The following IGF2BP1 variants were observed in gnomAD, a reference collection of about 807,000 sequenced individuals.
The protein encoded by IGF2BP1 is insulin-like growth factor 2 mRNA-binding protein 1.
Under a neutral mutation model 74.9 loss-of-function variants are expected in IGF2BP1, and 11 were observed. That is an observed-to-expected ratio of 0.15 (90% CI 0.09 to 0.24). IGF2BP1 has a LOEUF of 0.24. IGF2BP1 is among the 10% of genes least tolerant of loss of function. IGF2BP1 has a pLI of 1.00. For missense variants in IGF2BP1, 440 were observed against 757.4 expected, an observed-to-expected ratio of 0.58 and a Z score of 4.92; for synonymous variants, 287 against 281.8, an observed-to-expected ratio of 1.02 and a Z score of -0.18.
intron 5 of IGF2BP1, among the ~76,000 whole-genome samples, chr17:49,035,035 AC>A (rs1397549937): frequency 1.3e-5 from 2 of 152,250 alleles, no homozygotes; most frequent in Admixed American, 1.3e-4. Flanking sequence ...TTTAAAACTT[AC>A]ATCAAACTAC....
chr17:49,026,395 G>T, intron 3 of IGF2BP1, 71 bp from the exon 4 acceptor site: 2 of 1,343,104 alleles, frequency 1.5e-6, no homozygotes, highest in Non-Finnish European at 2.1e-6. Flanking sequence ...GGGATGCAGG[G>T]TGTCCAGTGG....
In IGF2BP1 at chr17:49,043,986, T is replaced by C. The variant is rs367847325; in HGVS notation, c.1220T>C (p.Met407Thr). 1.1e-5 allele frequency: 17 copies of C among 1,613,884 alleles called. No homozygotes were observed. Among genetic ancestry groups the C allele is most frequent in the Middle Eastern group, 1.6e-4 (1 of 6,068 alleles). The change falls in exon 11 of 15, where the codon ATG becomes ACG. Residue 407 changes from methionine (M) to threonine (T), a missense_variant. By Grantham distance (81) the Met-to-Thr change is moderately conservative. Transcript: ENST00000290341. ...TGGCAGCAGGCTCCCGAGCAGGAGA[T>C]GGTGCAGGTGTTTATCCCCGCCCAG... ...SSFMQAPEQE[M>T]VQVFIPAQAV... is the part of the protein sequence containing the mutation.
rs867521485 is a variant in IGF2BP1 at position 49,009,435 on chromosome 17, C to T, written c.236+10266C>T. 9.2e-5 allele frequency among the ~76,000 whole-genome samples: 14 copies of T among 152,062 alleles called. 1 individual carries two copies. The South Asian group carries it at 2.1e-3, about 23-fold the overall frequency. ...TTAAAAAAATTATTTTTAGGCTGGG[C>T]GCAGTGGCTCATGCCTGTAATCCCA... On this transcript the variant is annotated intron_variant, in intron 2 of 14. Coordinates refer to ENST00000290341, the MANE Select transcript of IGF2BP1 (RefSeq NM_006546.4).
intron 14 of IGF2BP1, among the ~76,000 whole-genome samples, chr17:49,047,980 T>G (rs2042125840): frequency 6.6e-6 from 1 of 152,144 alleles, no homozygotes; most frequent in South Asian, 2.1e-4. Flanking sequence ...CCTCCCAAAG[T>G]GCTGGGATTA....
In IGF2BP1 at chr17:49,053,556, G is replaced by A. The variant is rs533519565; in HGVS notation, c.*4112G>A. ...TAGCTCCCTGTTGTGGGACTGCTCT[G>A]TCCCCTGCCCCTACTGCAGAGATAG... On this transcript the variant is annotated 3_prime_UTR_variant, in exon 15 of 15. Coordinates refer to ENST00000290341, the MANE Select transcript of IGF2BP1 (RefSeq NM_006546.4). The A allele has an allele frequency of 6.5e-6, 1 of 152,922 alleles. No homozygotes were observed. The highest frequency in any genetic ancestry group is 1.9e-4 in the East Asian group (1 of 5,186). 9.5% of individuals were successfully genotyped at this position (152,922 alleles called of 1,614,324 possible).
chr17:49,026,768 T>A (rs998452829), intron 4 of IGF2BP1, among the ~76,000 whole-genome samples: 1 of 148,046 alleles, frequency 6.8e-6, no homozygotes, highest in Non-Finnish European at 1.5e-5. Flanking sequence ...TGCCTTCCTG[T>A]CTATCTTGCT....
At position 49,056,126 on chromosome 17, in the gene IGF2BP1, A is replaced by C. The variant is rs1398430160; in HGVS notation, c.*6682A>C. Among the ~76,000 whole-genome samples the C allele has an allele frequency of 1.3e-5, 2 of 152,160 alleles. No individual in the cohort carries two copies. Among genetic ancestry groups the C allele is most frequent in the East Asian group, 3.9e-4 (2 of 5,184 alleles). On this transcript the variant is annotated 3_prime_UTR_variant, in exon 15 of 15. Transcript: ENST00000290341. ...GCTGTTTCAATTTCAAAATAAAAGG[A>C]AACTTATATTGAAAGACAAGTATGT...
chr17:49,034,232 C>T (rs2041957442), intron 5 of IGF2BP1, among the ~76,000 whole-genome samples: 2 of 151,298 alleles, frequency 1.3e-5, no homozygotes, highest in Admixed American at 1.3e-4. Flanking sequence ...GCCTCAGCCT[C>T]CCGAGTAGTT....
chr17:49,006,368 T>C (rs912821954), intron 2 of IGF2BP1, among the ~76,000 whole-genome samples: 1 of 152,222 alleles, frequency 6.6e-6, no homozygotes, highest in Non-Finnish European at 1.5e-5. Context: ...ACTCATCCTT[T>C]ACTGGGGTCT....
chr17:49,015,088 T>G (rs542858742), intron 2 of IGF2BP1: 5 of 229,794 alleles, frequency 2.2e-5, no homozygotes, highest in Non-Finnish European at 2.9e-5. Flanking sequence ...CAATGCAACC[T>G]CAGCCTCCCG....
intron 5 of IGF2BP1, chr17:49,037,117 A>G: frequency 2.6e-6 from 1 of 383,758 alleles, no homozygotes; most frequent in Non-Finnish European, 5.1e-6. Context: ...AACAATGGGA[A>G]GACGCTGCAA....
At chr17:49,024,902 A>G (rs2041833026) in intron 2 of IGF2BP1, among the ~76,000 whole-genome samples, 1 of 152,182 alleles carries the variant, frequency 6.6e-6, no homozygotes, top group South Asian at 2.1e-4. Flanking sequence ...ATTAATAATA[A>G]TGTCTTGGGC....
intron 2 of IGF2BP1, among the ~76,000 whole-genome samples, chr17:49,025,367 T>G (rs1360612005): frequency 7.4e-6 from 1 of 135,290 alleles, no homozygotes; most frequent in East Asian, 2.2e-4. Flanking sequence ...TTGGGAATGT[T>G]AACAGAGTGC....
chr17:49,043,746 C>A (rs144490638), intron 10 of IGF2BP1, among the ~76,000 whole-genome samples, 196 bp downstream of exon 10: 1 of 152,138 alleles, frequency 6.6e-6, no homozygotes, highest in Non-Finnish European at 1.5e-5. Flanking sequence ...AGAATGCTCC[C>A]GGGGCATAGA....
chr17:49,007,159 C>T (rs913710820), intron 2 of IGF2BP1, among the ~76,000 whole-genome samples: 1 of 152,128 alleles, frequency 6.6e-6, no homozygotes, highest in Non-Finnish European at 1.5e-5. Context: ...TGAGAGTGAC[C>T]TCCCCCATCT....
intron 10 of IGF2BP1, 33 bp from the exon 11 acceptor site, chr17:49,043,934 G>A: frequency 1.2e-6 from 2 of 1,609,530 alleles, no homozygotes; most frequent in South Asian, 1.1e-5. Context: ...TGCTACTTGG[G>A]CCCCCTGGTA....
intron 2 of IGF2BP1, among the ~76,000 whole-genome samples, chr17:49,020,396 T>C (rs1175959999): frequency 1.3e-5 from 2 of 152,140 alleles, no homozygotes; most frequent in Non-Finnish European, 2.9e-5. Flanking sequence ...AGATTCATTA[T>C]CTCATATAAT....
At position 49,050,885 on chromosome 17, in the gene IGF2BP1, C is replaced by T. The variant is rs2969; in HGVS notation, c.*1441C>T. 0.19 allele frequency: 29,012 copies of T among 152,570 alleles called. 3,232 individuals are homozygous for T. Among genetic ancestry groups the T allele is most frequent in the South Asian group, 0.26 (1,239 of 4,830 alleles). 9.5% of individuals were successfully genotyped at this position (152,570 alleles called of 1,614,324 possible). On this transcript the variant is annotated 3_prime_UTR_variant, in exon 15 of 15. Coordinates refer to ENST00000290341, the MANE Select transcript of IGF2BP1 (RefSeq NM_006546.4). ...CCTCCTAATATACTGATTGACAATG[C>T]ATATTAGCCAGGTAATGCACTTTAG...
intron 2 of IGF2BP1, among the ~76,000 whole-genome samples, chr17:49,001,229 G>C (rs561720432): frequency 6.6e-6 from 1 of 152,090 alleles, no homozygotes; most frequent in Non-Finnish European, 1.5e-5. Flanking sequence ...AAAGTATTTC[G>C]TCAGTTAGGT....
Sources: gnomAD v4.1 joint callset for allele counts (sites outside exome capture counted in the v4.1 genomes callset) on GRCh38, gnomAD v4.1.1 for gene constraint, MANE v1.5 for transcripts, NCBI Gene and HGNC (gene_info 2026-07-23, HGNC 2026-07-21) for gene names.